DSC2: variants seen among roughly 807,000 people sequenced by gnomAD.
DSC2 encodes desmocollin-2.
A neutral mutation model predicts 87.6 loss-of-function variants in DSC2; 51 were observed. The observed-to-expected ratio is 0.58, with a 90% confidence interval of 0.46 to 0.74. DSC2 has a LOEUF of 0.74. Ranked by LOEUF, DSC2 falls within the 30% of genes least tolerant of loss-of-function variation. The pLI is 0.00. For synonymous variants in DSC2, 383 were observed against 393.2 expected, an observed-to-expected ratio of 0.97 and a Z score of 0.31; for missense variants, 1,066 against 1,089.5, an observed-to-expected ratio of 0.98 and a Z score of 0.30.
rs977709312 is a variant in DSC2, at chr18:31,079,882, C to T, written c.1628G>A (p.Gly543Asp). The T allele has an allele frequency of 1.2e-5, 20 of 1,613,794 alleles. No individual in the cohort carries two copies. The highest frequency in any genetic ancestry group is 1.5e-5 in the Non-Finnish European group (18 of 1,179,952). ...LDREAETIKNGIYNITVLASD... is the reference protein window; with the variant it reads ...LDREAETIKNDIYNITVLASD... ...TGCAAGGACTGTAATATTATATATG[C>T]CATTTTTGATGGTCTCTGCCTCTCT... Residue 543 changes from glycine (G) to aspartate (D), a missense_variant, in exon 11 of 16, where the codon GGC (glycine) becomes GAC (aspartate). Transcript: ENST00000280904.
At chr18:31,098,502 C>T (rs544199428) in intron 1 of DSC2, among the ~76,000 whole-genome samples, 4 of 152,052 alleles carry the variant, frequency 2.6e-5, no homozygotes, top group Admixed American at 6.5e-5. Flanking sequence ...TTGTCCAGGC[C>T]GGAGTGCAGT....
chr18:31,098,071 A>G (rs1987818589), intron 1 of DSC2, among the ~76,000 whole-genome samples: 1 of 152,096 alleles, frequency 6.6e-6, no homozygotes, highest in Non-Finnish European at 1.5e-5. Context: ...CAGTTTATCA[A>G]TCACCTTTTG....
chr18:31,073,054 G>A (rs906206020), intron 12 of DSC2, among the ~76,000 whole-genome samples: 14 of 152,090 alleles, frequency 9.2e-5, no homozygotes, highest in Admixed American at 4.6e-4. Context: ...AAGAACCAGC[G>A]TTTTTGACAC....
chr18:31,070,633 A>G, intron 14 of DSC2, 93 bp downstream of exon 14: 1 of 1,579,780 alleles, frequency 6.3e-7, no homozygotes, highest in Non-Finnish European at 8.6e-7. Flanking sequence ...CCTGATACCA[A>G]AAGAACTTTT....
intron 4 of DSC2, among the ~76,000 whole-genome samples, chr18:31,090,805 T>C (rs1987567611): frequency 6.6e-6 from 1 of 152,234 alleles, no homozygotes; most frequent in Non-Finnish European, 1.5e-5. Context: ...TAAGGAACCA[T>C]GTGTCTGAGT....
intron 8 of DSC2, among the ~76,000 whole-genome samples, 169 bp from the exon 9 acceptor site, chr18:31,082,592 T>C (rs145110872): frequency 1.1e-4 from 16 of 152,310 alleles, no homozygotes; most frequent in Non-Finnish European, 2.2e-4. Context: ...TTTGAAATCA[T>C]GAGGGGTGGA....
chr18:31,086,737 T>G lies in DSC2; in HGVS notation c.781A>C (p.Thr261Pro). ...TCAGTAGCACACACTTGTCCCACAGTAGTGCCTAGAGAAGAAAAGTCCTTT... is the reference window on the plus strand; with the variant it reads ...TCAGTAGCACACACTTGTCCCACAGGAGTGCCTAGAGAAGAAAAGTCCTTT... ...TIFENCRVGT[T>P]VGQVCATDKD... The change falls in exon 7 of 16, where the codon ACT becomes CCT. Residue 261 changes from threonine (T) to proline (P), a missense_variant. Coordinates refer to ENST00000280904, the MANE Select transcript of DSC2 (RefSeq NM_024422.6). 1 of 1,613,984 alleles carries G rather than the reference T, an allele frequency of 6.2e-7. No individual in the cohort carries two copies. Among genetic ancestry groups the G allele is most frequent in the Non-Finnish European group, 8.5e-7 (1 of 1,179,940 alleles).
chr18:31,089,319 G>A, intron 5 of DSC2, 120 bp downstream of exon 5: 1 of 1,059,074 alleles, frequency 9.4e-7, no homozygotes, highest in Non-Finnish European at 1.4e-6. Flanking sequence ...TGCTATTAGG[G>A]AGTAGCCAGA....
chr18:31,089,712 A>G, intron 4 of DSC2, 118 bp from the exon 5 acceptor site: 1 of 950,498 alleles, frequency 1.1e-6, no homozygotes, highest in Non-Finnish European at 1.5e-6. Context: ...TTAATTTATT[A>G]TTATATATAA....
Position 31,079,864 on chromosome 18 carries a change from A to C in DSC2, c.1646T>G (p.Val549Gly). The C allele has an allele frequency of 6.2e-7, 1 of 1,613,942 alleles. No homozygotes were observed. The highest frequency in any genetic ancestry group is 8.5e-7 in the Non-Finnish European group (1 of 1,179,918). The part of the protein sequence containing the change: ...TIKNGIYNIT[V>G]LASDQGGRTC... Reference sequence around the variant, plus strand: ...ATTCTTACCTTGGTCTGATGCAAGGACTGTAATATTATATATGCCATTTTT... The same window carrying C: ...ATTCTTACCTTGGTCTGATGCAAGGCCTGTAATATTATATATGCCATTTTT... The change falls in exon 11 of 16, where the codon GTC (valine) becomes GGC (glycine). Residue 549 changes from valine (V) to glycine (G), a missense_variant. Physicochemically the swap from Val to Gly is moderately radical, Grantham distance 109. Transcript: ENST00000280904.
intron 11 of DSC2, among the ~76,000 whole-genome samples, chr18:31,076,192 C>T (rs538726628): frequency 6.6e-6 from 1 of 152,256 alleles, no homozygotes; most frequent in African/African-American, 2.4e-5. Flanking sequence ...GAAGTCACAA[C>T]CTCAGCCAGA....
chr18:31,091,474 A>G (rs1333896122), intron 3 of DSC2: 1 of 483,802 alleles, frequency 2.1e-6, no homozygotes, highest in African/African-American at 1.9e-5. Context: ...AGAGATATGC[A>G]AAGAAAATAA....
rs150962867 is a variant in DSC2 at position 31,080,754 on chromosome 18, A to G, written c.1264-402T>C. ...CATGATTATAAGTTTCCTGAGGCCT[A>G]CCTAGTCATGCCTCCTACACAGCCT... On this transcript the variant is annotated intron_variant, in intron 9 of 15. Transcript: ENST00000280904. Among the ~76,000 whole-genome samples, 269 of 152,256 alleles carry G rather than the reference A, an allele frequency of 1.8e-3. 1 individual carries two copies. The highest frequency in any genetic ancestry group is 6.8e-3 in the Middle Eastern group (2 of 294).
Position 31,089,549 on chromosome 18 carries a change from TTATGGAATAGTA to T in DSC2, c.508_519del (p.Tyr170_Ile173del). Reference sequence around the variant, plus strand: ...GGTTCTTGGTCAACTCCAGGACCTCTTATGGAATAGTATATGGTATAGTTTTGGGCCGTGTCA... The same window carrying T: ...GGTTCTTGGTCAACTCCAGGACCTCTTATGGTATAGTTTTGGGCCGTGTCA... On this transcript the variant is annotated inframe_deletion, in exon 5 of 16. Transcript: ENST00000280904. 6.2e-7 allele frequency: 1 copy of T among 1,613,986 alleles called. No homozygotes were observed. Among genetic ancestry groups the T allele is most frequent in the Non-Finnish European group, 8.5e-7 (1 of 1,179,928 alleles).
rs761576097 is a variant in DSC2, at chr18:31,080,315, T to C, written c.1301A>G (p.Gln434Arg). Reference sequence around the variant, plus strand: ...TGGAGCTTCATTAACTACACCAATTTGCAAGATCATCTGTTGCTTTTCTTC... The same window carrying C: ...TGGAGCTTCATTAACTACACCAATTCGCAAGATCATCTGTTGCTTTTCTTC... ...NYEEKQQMIL[Q>R]IGVVNEAPFS... The change falls in exon 10 of 16, where the codon CAA (glutamine) becomes CGA (arginine). Residue 434 changes from glutamine (Q) to arginine (R), a missense_variant. By Grantham distance (43) the Gln-to-Arg change is conservative (BLOSUM62 1). Coordinates refer to ENST00000280904, the MANE Select transcript of DSC2 (RefSeq NM_024422.6). 2 of 1,614,016 alleles carry C rather than the reference T, an allele frequency of 1.2e-6. No homozygotes were observed. Among genetic ancestry groups the C allele is most frequent in the Non-Finnish European group, 8.5e-7 (1 of 1,179,936 alleles).
At chr18:31,079,544 C>G (rs914909863) in intron 11 of DSC2, among the ~76,000 whole-genome samples, 5 of 152,046 alleles carry the variant, frequency 3.3e-5, no homozygotes, top group South Asian at 4.1e-4. Context: ...CATGAGCCAC[C>G]ACACCCAGCT....
intron 1 of DSC2, among the ~76,000 whole-genome samples, chr18:31,093,866 T>A (rs1987685159): frequency 6.7e-6 from 1 of 150,204 alleles, no homozygotes. Context: ...TATATGTGAT[T>A]TATGTTATTA....
Position 31,079,958 on chromosome 18 carries a change from C to A in DSC2, c.1552G>T (p.Val518Phe), listed in dbSNP as rs397517394. ...GATCCTGTATTTTCATCAATGGTGA[C>A]CCACCCTGTTGGATCAGTTAATTTC... ...YKKLTDPTGW[V>F]TIDENTGSIK... is the part of the protein sequence containing the mutation. The change falls in exon 11 of 16, where the codon GTC becomes TTC. Residue 518 changes from valine (V) to phenylalanine (F), a missense_variant. Val to Phe is a conservative substitution (Grantham distance 50, BLOSUM62 -1). Transcript: ENST00000280904. The A allele has an allele frequency of 1.9e-6, 3 of 1,613,854 alleles. No individual in the cohort carries two copies. Among genetic ancestry groups the A allele is most frequent in the Non-Finnish European group, 2.5e-6 (3 of 1,179,908 alleles).
Position 31,066,434 on chromosome 18 carries a change from T to C in DSC2, c.*1581A>G, listed in dbSNP as rs1415322788. 6.6e-6 allele frequency: 1 copy of C among 152,156 alleles called. No individual in the cohort carries two copies. The highest frequency in any genetic ancestry group is 1.5e-5 in the Non-Finnish European group (1 of 68,014). The allele number at this position is 152,156 out of a possible 1,614,324, so 9.4% of individuals were successfully genotyped here. A position where few individuals can be genotyped will look rare whatever the true frequency, so the allele number is the denominator to read the frequency against. On this transcript the variant is annotated 3_prime_UTR_variant, in exon 16 of 16. Transcript: ENST00000280904. ...AATTTTGTATATACTTTATTAAAAA[T>C]AACTTTGGAAAACTATTTTTGCCTG...
Sources: gnomAD v4.1 joint callset for allele counts (sites outside exome capture counted in the v4.1 genomes callset) on GRCh38, gnomAD v4.1.1 for gene constraint, MANE v1.5 for transcripts, NCBI Gene and HGNC (gene_info 2026-07-23, HGNC 2026-07-21) for gene names.